Variants in PCDHA4 observed in about 807,000 individuals in gnomAD.
PCDHA4 encodes the protein protocadherin alpha 4.
In PCDHA4, 49 loss-of-function variants were observed where a neutral mutation model predicts 61.4. The ratio of observed to expected loss-of-function variants is 0.80; its 90% CI spans 0.63 to 1.01. PCDHA4 has a LOEUF of 1.01. Among genes scored for constraint, PCDHA4 ranks in the 50% least tolerant of loss-of-function variants. PCDHA4 has a pLI of 0.00. For missense variants in PCDHA4, 1,254 were observed against 1,235.8 expected, an observed-to-expected ratio of 1.01 and a Z score of -0.22; for synonymous variants, 590 against 550.3, an observed-to-expected ratio of 1.07 and a Z score of -1.01.
chr5:140,941,304 CTTTT>C (rs2093021953), intron 1 of PCDHA4, among the ~76,000 whole-genome samples: 1 of 84,848 alleles, frequency 1.2e-5, no homozygotes, highest in African/African-American at 4.2e-5. Context: ...TTCTTTCTTT[CTTTT>C]TCTTCTTTCT....
chr5:140,981,917 A>G (rs1465971302), intron 2 of PCDHA4, among the ~76,000 whole-genome samples: 1 of 152,218 alleles, frequency 6.6e-6, no homozygotes, highest in Non-Finnish European at 1.5e-5. Flanking sequence ...GTGGTGATCA[A>G]GTTTCTCTAG....
intron 1 of PCDHA4, chr5:140,876,225 G>C: frequency 1.2e-6 from 2 of 1,613,982 alleles, no homozygotes; most frequent in Non-Finnish European, 1.7e-6. Context: ...AAGTAGTGTT[G>C]TCTGAAAATG....
intron 1 of PCDHA4, chr5:140,861,384 C>G (rs1354784257): frequency 2.5e-5 from 11 of 437,330 alleles, no homozygotes; most frequent in African/African-American, 2.2e-4. Context: ...TGCGCAGGAC[C>G]TGGGTCTGGA....
chr5:140,843,744 A>C, intron 1 of PCDHA4: 1 of 1,534,810 alleles, frequency 6.5e-7, no homozygotes, highest in Non-Finnish European at 8.9e-7. Context: ...AGAACTCATA[A>C]ATTCTATTTG....
intron 1 of PCDHA4, chr5:140,843,068 C>T (rs1345239073): frequency 1.3e-6 from 2 of 1,595,216 alleles, no homozygotes; most frequent in East Asian, 2.2e-5. Context: ...GCTGGTGCCG[C>T]GGTCTGTGGG....
chr5:140,948,895 A>G (rs1192387448), intron 1 of PCDHA4, among the ~76,000 whole-genome samples: 1 of 151,548 alleles, frequency 6.6e-6, no homozygotes, highest in Non-Finnish European at 1.5e-5. Flanking sequence ...TTAGATTTTA[A>G]GTGGATTCTT....
chr5:140,880,385 A>T (rs191215782), intron 1 of PCDHA4, among the ~76,000 whole-genome samples: 86 of 152,346 alleles, frequency 5.6e-4, no homozygotes, highest in African/African-American at 2.1e-3. Context: ...ATAGAAAATA[A>T]TTTTTAAGAG....
At chr5:140,924,550 C>T (rs2081897316) in intron 1 of PCDHA4, among the ~76,000 whole-genome samples, 1 of 152,096 alleles carries the variant, frequency 6.6e-6, no homozygotes, top group Non-Finnish European at 1.5e-5. Context: ...CTCTCCCCAC[C>T]ATTTTAATCA....
intron 1 of PCDHA4, among the ~76,000 whole-genome samples, chr5:140,941,226 T>TCTTTCTTTCTTTCTTTCTTTCTTC (rs2092915713): frequency 1.5e-5 from 2 of 135,514 alleles, no homozygotes; most frequent in Admixed American, 7.6e-5. Flanking sequence ...TTTCTTTCTT[T>TCTTTCTTTCTTTCTTTCTTTCTTC]CTTTCTTTCT....
At chr5:140,877,357 G>A in intron 1 of PCDHA4, 2 of 1,614,020 alleles carry the variant, frequency 1.2e-6, no homozygotes, top group African/African-American at 2.7e-5. Flanking sequence ...GCTGTACACT[G>A]GCGAGATCAG....
chr5:140,885,920 C>T (rs1554182299), intron 1 of PCDHA4, among the ~76,000 whole-genome samples: 1 of 151,998 alleles, frequency 6.6e-6, no homozygotes, highest in East Asian at 1.9e-4. Context: ...TAGATATTAA[C>T]TGTTTATCTA....
intron 1 of PCDHA4, among the ~76,000 whole-genome samples, chr5:140,937,563 G>T (rs986469529): frequency 2.0e-5 from 3 of 151,960 alleles, no homozygotes; most frequent in African/African-American, 7.3e-5. Flanking sequence ...GTTGCAGTGA[G>T]CTGGGATCGC....
chr5:140,840,555 T>C (rs1418325429), intron 1 of PCDHA4, among the ~76,000 whole-genome samples: 1 of 152,084 alleles, frequency 6.6e-6, no homozygotes, highest in African/African-American at 2.4e-5. Flanking sequence ...ATGGCAATAC[T>C]GCTAGAGTTT....
intron 1 of PCDHA4, among the ~76,000 whole-genome samples, chr5:140,901,961 C>T (rs62384485): frequency 2.0e-5 from 3 of 151,946 alleles, no homozygotes; most frequent in Non-Finnish European, 2.9e-5. Flanking sequence ...TCGTGGCTAT[C>T]GTAAATGGGA....
At chr5:140,895,892 A>G (rs1554186717) in intron 1 of PCDHA4, among the ~76,000 whole-genome samples, 1 of 152,080 alleles carries the variant, frequency 6.6e-6, no homozygotes, top group East Asian at 1.9e-4. Flanking sequence ...GCTCACTGCA[A>G]CCTCCGCGTC....
At chr5:140,824,021 A>C (rs1767971834) in intron 1 of PCDHA4, 11 of 1,613,948 alleles carry the variant, frequency 6.8e-6, no homozygotes, top group Non-Finnish European at 9.3e-6. Context: ...AGCTGGTCGT[A>C]CTCGCAGCAG....
At chr5:140,920,632 T>G (rs1054888668) in intron 1 of PCDHA4, among the ~76,000 whole-genome samples, 1 of 152,018 alleles carries the variant, frequency 6.6e-6, no homozygotes, top group South Asian at 2.1e-4. Context: ...GATCACAAGG[T>G]CAAGAGATTG....
At chr5:140,869,418 C>T in intron 1 of PCDHA4, 2 of 1,614,174 alleles carry the variant, frequency 1.2e-6, no homozygotes, top group Middle Eastern at 1.6e-4. Context: ...GCAGCATCCA[C>T]CTGGAGGTGA....
chr5:140,882,182 G>A (rs1357141908), intron 1 of PCDHA4: 1 of 1,518,510 alleles, frequency 6.6e-7, no homozygotes, highest in Non-Finnish European at 8.8e-7. Context: ...TCCGCACTAG[G>A]AAGCCATAAA....
Sources: gnomAD v4.1 joint callset for allele counts (sites outside exome capture counted in the v4.1 genomes callset) on GRCh38, gnomAD v4.1.1 for gene constraint, MANE v1.5 for transcripts, NCBI Gene and HGNC (gene_info 2026-07-23, HGNC 2026-07-21) for gene names.